The following KCNH1 variants were observed in gnomAD, a reference collection of about 807,000 sequenced individuals.
The protein encoded by KCNH1 is potassium voltage-gated channel subfamily H member 1.
KCNH1 carries 27 observed loss-of-function variants against 69.2 expected under a neutral mutation model. That is an observed-to-expected ratio of 0.39 (90% CI 0.29 to 0.54). KCNH1 has a LOEUF of 0.54. Among genes scored for constraint, KCNH1 ranks in the 20% least tolerant of loss-of-function variants. KCNH1 has a pLI of 0.68. For synonymous variants in KCNH1, 456 were observed against 487.7 expected (o/e 0.93, Z 0.86); for missense variants, 798 against 1,261.6 (o/e 0.63, Z 5.57).
Position 210,782,536 on chromosome 1 carries a change from G to T in KCNH1, c.1916-6992C>A, listed in dbSNP as rs905023325. Among the ~76,000 whole-genome samples, 13 of 152,128 alleles carry T rather than the reference G, an allele frequency of 8.5e-5. No individual in the cohort carries two copies. In the East Asian group the frequency reaches 2.3e-3, roughly 27 times the overall value. On this transcript the variant is annotated intron_variant, in intron 9 of 10. Transcript: ENST00000271751. Reference sequence around the variant, plus strand: ...AGGTCAGGAGTTTGAGACCAGCCTGGCCAATGTGGTGAAATCCCATCTCTA... The same window carrying T: ...AGGTCAGGAGTTTGAGACCAGCCTGTCCAATGTGGTGAAATCCCATCTCTA...
At chr1:210,824,324 A>G (rs12406602) in intron 7 of KCNH1, among the ~76,000 whole-genome samples, 25,478 of 151,444 alleles carry the variant, frequency 0.17, 2,749 homozygotes, top group Non-Finnish European at 0.25. Context: ...TAATCTACAT[A>G]AGATTATGTC....
chr1:211,075,910 T>C (rs1690723955), intron 5 of KCNH1, among the ~76,000 whole-genome samples: 3 of 152,164 alleles, frequency 2.0e-5, no homozygotes, highest in African/African-American at 7.2e-5. Flanking sequence ...TATTAGCAAA[T>C]AGCACACCAG....
chr1:210,769,885 T>C (rs1424080762), intron 10 of KCNH1, among the ~76,000 whole-genome samples: 1 of 151,718 alleles, frequency 6.6e-6, no homozygotes, highest in Non-Finnish European at 1.5e-5. Context: ...AGACTGGAGG[T>C]GGAAGTAGGG....
intron 7 of KCNH1, among the ~76,000 whole-genome samples, chr1:210,895,873 A>G (rs1686855600): frequency 6.6e-6 from 1 of 152,172 alleles, no homozygotes. Context: ...ATGCATTTAC[A>G]TAGACACATC....
chr1:211,100,141 G>A (rs755377491), intron 3 of KCNH1, among the ~76,000 whole-genome samples: 4 of 151,886 alleles, frequency 2.6e-5, no homozygotes, highest in African/African-American at 4.8e-5. Flanking sequence ...GATTACGGGC[G>A]TGAGCCACTA....
chr1:210,901,277 G>C (rs984092269), intron 7 of KCNH1, among the ~76,000 whole-genome samples: 2 of 152,008 alleles, frequency 1.3e-5, no homozygotes, highest in South Asian at 4.2e-4. Context: ...TCATCACCTG[G>C]TCTTGTTGGT....
intron 7 of KCNH1, among the ~76,000 whole-genome samples, chr1:210,845,582 A>C (rs1298946590): frequency 1.3e-5 from 2 of 152,226 alleles, no homozygotes; most frequent in Non-Finnish European, 2.9e-5. Flanking sequence ...CGTATCTCAA[A>C]ATAATGAGAG....
At chr1:211,058,020 T>A (rs1035987229) in intron 5 of KCNH1, among the ~76,000 whole-genome samples, 1 of 152,100 alleles carries the variant, frequency 6.6e-6, no homozygotes, top group Non-Finnish European at 1.5e-5. Context: ...AGCAGACTTC[T>A]CAGTGGAATC....
At chr1:210,928,115 G>A (rs1687611397) in intron 6 of KCNH1, among the ~76,000 whole-genome samples, 1 of 151,952 alleles carries the variant, frequency 6.6e-6, no homozygotes. Context: ...ATAATAGTGG[G>A]GGACTTTAAT....
intron 6 of KCNH1, among the ~76,000 whole-genome samples, chr1:210,968,782 G>A (rs983165010): frequency 4.6e-5 from 7 of 151,998 alleles, no homozygotes; most frequent in East Asian, 1.9e-4. Context: ...TTTGTCAGAC[G>A]AGTAGGTTGC....
chr1:210,690,412 G>C (rs1334017869), intron 10 of KCNH1, among the ~76,000 whole-genome samples: 1 of 152,178 alleles, frequency 6.6e-6, no homozygotes, highest in African/African-American at 2.4e-5. Flanking sequence ...CCGAGCGTCA[G>C]AAGGGCCATA....
intron 1 of KCNH1, chr1:211,108,428 G>C (rs1166982950): frequency 6.6e-6 from 1 of 151,584 alleles, no homozygotes; most frequent in Admixed American, 6.6e-5. Flanking sequence ...ATACTACATA[G>C]AGTGAAATAA....
intron 5 of KCNH1, among the ~76,000 whole-genome samples, chr1:211,048,671 C>T (rs1016247588): frequency 6.6e-6 from 1 of 152,052 alleles, no homozygotes; most frequent in African/African-American, 2.4e-5. Flanking sequence ...GAGAATGATA[C>T]ATTGGACTTT....
intron 7 of KCNH1, among the ~76,000 whole-genome samples, chr1:210,825,625 C>A (rs1685017746): frequency 6.6e-6 from 1 of 152,220 alleles, no homozygotes; most frequent in Admixed American, 6.5e-5. Flanking sequence ...ATCCACAAAT[C>A]ACACTTTGAG....
intron 1 of KCNH1, among the ~76,000 whole-genome samples, chr1:211,131,109 T>C (rs1316255059): frequency 6.6e-6 from 1 of 152,124 alleles, no homozygotes; most frequent in Non-Finnish European, 1.5e-5. Context: ...GTTCTGCCCT[T>C]AAATATTTGA....
chr1:210,712,210 G>A (rs558109278), intron 10 of KCNH1, among the ~76,000 whole-genome samples: 1 of 152,336 alleles, frequency 6.6e-6, no homozygotes, highest in African/African-American at 2.4e-5. Context: ...TGGTAATGCT[G>A]CACCAACCAT....
chr1:210,758,874 T>C (rs1027205517), intron 10 of KCNH1, among the ~76,000 whole-genome samples: 2 of 152,170 alleles, frequency 1.3e-5, no homozygotes, highest in South Asian at 2.1e-4. Flanking sequence ...CTCCCTTGCC[T>C]CTGTCCCTGC....
At chr1:210,800,526 A>G (rs935844665) in intron 8 of KCNH1, among the ~76,000 whole-genome samples, 3 of 152,194 alleles carry the variant, frequency 2.0e-5, no homozygotes, top group Non-Finnish European at 4.4e-5. Flanking sequence ...CCCAGAGCCA[A>G]TGGAGAGTAC....
intron 7 of KCNH1, among the ~76,000 whole-genome samples, chr1:210,840,987 C>T (rs1685393727): frequency 6.6e-6 from 1 of 152,026 alleles, no homozygotes; most frequent in Non-Finnish European, 1.5e-5. Context: ...GCCAGCTGTC[C>T]CACAAATGTG....
Sources: gnomAD v4.1 joint callset for allele counts (sites outside exome capture counted in the v4.1 genomes callset) on GRCh38, gnomAD v4.1.1 for gene constraint, MANE v1.5 for transcripts, NCBI Gene and HGNC (gene_info 2026-07-23, HGNC 2026-07-21) for gene names.